The following TBCE variants were observed in gnomAD, a reference collection of about 807,000 sequenced individuals.
The protein encoded by TBCE is tubulin-specific chaperone E.
A neutral mutation model predicts 77.0 loss-of-function variants in TBCE; 53 were observed. That is an observed-to-expected ratio of 0.69 (90% CI 0.55 to 0.87). TBCE has a LOEUF of 0.87. Ranked by LOEUF, TBCE falls within the 40% of genes least tolerant of loss-of-function variation. The pLI is 0.00. For synonymous variants in TBCE, 235 were observed against 241.3 expected (o/e 0.97, Z 0.24); for missense variants, 624 against 622.4 (o/e 1.00, Z -0.03).
chr1:235,409,421 T>C lies in TBCE; in HGVS notation c.186-5012T>C, dbSNP rs77451647. On this transcript the variant is annotated intron_variant, in intron 3 of 16. Transcript: ENST00000642610. ...TAATGTAGAATCTCAGTGGAGTCTA[T>C]GTAAATTATTACAGTTTACCTCTTG... Among the ~76,000 whole-genome samples, 531 of 152,312 alleles carry C rather than the reference T, an allele frequency of 3.5e-3. 1 individual carries two copies. The highest frequency in any genetic ancestry group is 6.0e-3 in the Non-Finnish European group (408 of 68,038).
intron 4 of TBCE, chr1:235,418,526 C>G (rs1002800976): frequency 2.0e-5 from 3 of 152,254 alleles, no homozygotes; most frequent in African/African-American, 7.2e-5. Context: ...CATGCTGAAG[C>G]TGGGTGCGCT....
chr1:235,373,736 CCT>C (rs1677120420), intron 1 of TBCE, among the ~76,000 whole-genome samples: 1 of 151,492 alleles, frequency 6.6e-6, no homozygotes, highest in African/African-American at 2.4e-5. Context: ...GCAAGCTCCG[CCT>C]CCCGGGTTCA....
chr1:235,430,765 G>A lies in TBCE; in HGVS notation c.621G>A (p.Lys207=). The change falls in exon 7 of 17, where the codon AAG becomes AAA. Residue 207 remains lysine, a synonymous_variant. Transcript: ENST00000642610. The part of the protein sequence containing the change: ...SVLTGTLSVL[K]VLVLNQTGIT... ...TAACTGGAACGCTTTCTGTACTGAA[G>A]GTTTTAGTCCTCAATCAAACAGGAA... 6.2e-7 allele frequency: 1 copy of A among 1,613,720 alleles called. No individual in the cohort carries two copies. The highest frequency in any genetic ancestry group is 1.1e-5 in the South Asian group (1 of 91,070).
At chr1:235,394,296 G>A (rs941569311) in intron 2 of TBCE, among the ~76,000 whole-genome samples, 1 of 151,688 alleles carries the variant, frequency 6.6e-6, no homozygotes, top group African/African-American at 2.4e-5. Context: ...GGATAGTCTC[G>A]ATCTCCTGAC....
chr1:235,439,288 G>A (rs996183778), intron 13 of TBCE, among the ~76,000 whole-genome samples: 4 of 150,028 alleles, frequency 2.7e-5, no homozygotes, highest in Admixed American at 1.3e-4. Context: ...TCAGGAGATC[G>A]AGACCATCCT....
intron 2 of TBCE, among the ~76,000 whole-genome samples, chr1:235,386,598 T>G (rs1329043592): frequency 6.6e-6 from 1 of 152,238 alleles, no homozygotes; most frequent in Admixed American, 6.5e-5. Flanking sequence ...CATCAGCTCC[T>G]GAGGCTTCTG....
At position 235,373,795 on chromosome 1, in the gene TBCE, C is replaced by T. The variant is rs575648418; in HGVS notation, c.-31-6224C>T. On this transcript the variant is annotated intron_variant, in intron 1 of 16. Transcript: ENST00000642610. ...TCCCGAGTAGCTGGGACTACAAGCG[C>T]CCGCCACCACGCCTGGCTAATTTTT... 4.0e-4 allele frequency among the ~76,000 whole-genome samples: 59 copies of T among 145,808 alleles called. 1 individual carries two copies. The East Asian group carries it at 0.011, about 27-fold the overall frequency.
At chr1:235,434,159 C>G (rs1158642595) in intron 7 of TBCE, 45 bp from the exon 8 acceptor site, 2 of 1,581,632 alleles carry the variant, frequency 1.3e-6, no homozygotes, top group Non-Finnish European at 1.7e-6. Context: ...CGGGAAGAAA[C>G]AGCCAGCAGA....
chr1:235,436,248 GA>G, intron 9 of TBCE, 137 bp from the exon 10 acceptor site: 1 of 758,516 alleles, frequency 1.3e-6, no homozygotes, highest in South Asian at 1.5e-5. Context: ...TCCTAAGTTG[GA>G]CTTTATGGTT....
At chr1:235,387,292 C>T (rs940111881) in intron 2 of TBCE, among the ~76,000 whole-genome samples, 3 of 152,276 alleles carry the variant, frequency 2.0e-5, no homozygotes, top group Admixed American at 6.5e-5. Flanking sequence ...CTCAGATCTC[C>T]AGCTGCATGC....
chr1:235,435,628 T>A (rs1365152035), intron 8 of TBCE, 117 bp from the exon 9 acceptor site: 1 of 963,614 alleles, frequency 1.0e-6, no homozygotes, highest in East Asian at 2.4e-5. Flanking sequence ...TACAGTCATA[T>A]TTACTTGCTT....
intron 3 of TBCE, among the ~76,000 whole-genome samples, chr1:235,410,897 C>T (rs944562514): frequency 2.0e-5 from 3 of 152,134 alleles, no homozygotes; most frequent in African/African-American, 7.2e-5. Context: ...CTCTTGAGTT[C>T]CGACAAAAGG....
intron 7 of TBCE, among the ~76,000 whole-genome samples, chr1:235,431,333 T>A (rs1418492638): frequency 6.6e-6 from 1 of 152,058 alleles, no homozygotes; most frequent in Admixed American, 6.6e-5. Flanking sequence ...TGAGGTGTAC[T>A]GACTTCACAC....
chr1:235,429,013 A>C (rs1680935453), intron 6 of TBCE: 1 of 127,378 alleles, frequency 7.9e-6, no homozygotes, highest in Admixed American at 8.6e-5. Flanking sequence ...TTTGAGACAG[A>C]GTCTCACTCT....
chr1:235,447,657 G>C (rs150091674), intron 15 of TBCE, among the ~76,000 whole-genome samples: 10 of 152,222 alleles, frequency 6.6e-5, no homozygotes, highest in African/African-American at 1.9e-4. Flanking sequence ...TCCAGTGTTC[G>C]TTCAGTAATT....
chr1:235,435,988 T>C (rs922558353), intron 9 of TBCE, 148 bp downstream of exon 9: 4 of 746,078 alleles, frequency 5.4e-6, no homozygotes, highest in Non-Finnish European at 9.0e-6. Context: ...AAATTTTCAT[T>C]TGAATTCATT....
At chr1:235,401,946 T>G (rs1679136746) in intron 3 of TBCE, among the ~76,000 whole-genome samples, 1 of 151,674 alleles carries the variant, frequency 6.6e-6, no homozygotes. Flanking sequence ...AGCCTAGATT[T>G]CCAGTAAGAA....
intron 2 of TBCE, among the ~76,000 whole-genome samples, chr1:235,381,992 G>C (rs894251425): frequency 8.3e-6 from 1 of 120,382 alleles, no homozygotes; most frequent in African/African-American, 3.2e-5. Flanking sequence ...AGTCCTCAGA[G>C]TGTGATGTTC....
intron 2 of TBCE, among the ~76,000 whole-genome samples, chr1:235,391,384 C>T (rs1227847813): frequency 1.3e-5 from 2 of 150,750 alleles, no homozygotes; most frequent in Non-Finnish European, 2.9e-5. Flanking sequence ...ACTTGTGAGG[C>T]TGAGGCAAGA....
Sources: gnomAD v4.1 joint callset for allele counts (sites outside exome capture counted in the v4.1 genomes callset) on GRCh38, gnomAD v4.1.1 for gene constraint, MANE v1.5 for transcripts, NCBI Gene and HGNC (gene_info 2026-07-23, HGNC 2026-07-21) for gene names.